The following NUDT9 variants were observed in gnomAD, a reference collection of about 807,000 sequenced individuals.
The protein encoded by NUDT9 is nudix hydrolase 9.
In NUDT9, 31 loss-of-function variants were observed where a neutral mutation model predicts 41.0. The ratio of observed to expected loss-of-function variants is 0.76; its 90% CI spans 0.57 to 1.02. The LOEUF (loss-of-function observed/expected upper bound fraction) is 1.02, where lower values mean the gene tolerates loss of function less well. NUDT9 is among the 50% of genes least tolerant of loss of function. The pLI, the probability that NUDT9 is intolerant of heterozygous loss-of-function variation, is 0.00. For synonymous variants in NUDT9, 146 were observed against 147.6 expected, an observed-to-expected ratio of 0.99 and a Z score of 0.08; for missense variants, 380 against 431.4, an observed-to-expected ratio of 0.88 and a Z score of 1.06.
At chr4:87,425,104 C>G (rs1009850957) in intron 1 of NUDT9, among the ~76,000 whole-genome samples, 3 of 152,000 alleles carry the variant, frequency 2.0e-5, no homozygotes, top group African/African-American at 7.3e-5. Flanking sequence ...ACCTGTAATC[C>G]CAGTGCTTTG....
chr4:87,450,344 T>C (rs1466886811), intron 5 of NUDT9, among the ~76,000 whole-genome samples: 1 of 151,866 alleles, frequency 6.6e-6, no homozygotes, highest in African/African-American at 2.4e-5. Flanking sequence ...CAGCCGACTC[T>C]GATAAAAGTT....
chr4:87,454,523 T>G, intron 7 of NUDT9, 68 bp downstream of exon 7: 1 of 995,914 alleles, frequency 1.0e-6, no homozygotes. Context: ...CACTAAGGCA[T>G]GATTAAATCT....
At chr4:87,444,946 A>G (rs1722380508) in intron 4 of NUDT9, among the ~76,000 whole-genome samples, 1 of 152,200 alleles carries the variant, frequency 6.6e-6, no homozygotes, top group Non-Finnish European at 1.5e-5. Flanking sequence ...TAATGCATTA[A>G]TTAATAAATT....
chr4:87,457,781 G>A (rs937893839), intron 7 of NUDT9, 62 bp from the exon 8 acceptor site: 14 of 1,422,050 alleles, frequency 9.8e-6, no homozygotes, highest in South Asian at 2.4e-5. Context: ...AATACTTGAC[G>A]ACATAGATAT....
In NUDT9 at chr4:87,422,761, GCTACTCCCGTTCGGGAACCCAAC is replaced by G. The variant is rs1010968375; in HGVS notation, c.-144_-122del. 5 of 429,290 alleles carry G rather than the reference GCTACTCCCGTTCGGGAACCCAAC, an allele frequency of 1.2e-5. No homozygotes were observed. In the Admixed American group the frequency reaches 1.5e-4, roughly 13 times the overall value. 26.6% of individuals were successfully genotyped at this position (429,290 alleles called of 1,614,324 possible). A position where few individuals can be genotyped will look rare whatever the true frequency, so the allele number is the denominator to read the frequency against. ...GATCTGTGATTTATAGATAGGCACA[GCTACTCCCGTTCGGGAACCCAAC>G]GGCAGACAGGTCCTAGTGCCCATCA... On this transcript the variant is annotated 5_prime_UTR_variant, in exon 1 of 8. Coordinates refer to ENST00000302174, the MANE Select transcript of NUDT9 (RefSeq NM_024047.5).
At chr4:87,441,639 T>C (rs187919279) in intron 3 of NUDT9, among the ~76,000 whole-genome samples, 190 bp from the exon 4 acceptor site, 55 of 152,306 alleles carry the variant, frequency 3.6e-4, no homozygotes, top group Non-Finnish European at 7.2e-4. Flanking sequence ...GCATATCACA[T>C]GCGCAAAAGA....
intron 1 of NUDT9, among the ~76,000 whole-genome samples, chr4:87,426,299 T>C (rs1260785656): frequency 6.6e-6 from 1 of 152,204 alleles, no homozygotes; most frequent in East Asian, 1.9e-4. Context: ...TAAAACATAG[T>C]GTTAAGAGCC....
At chr4:87,431,624 C>T (rs913316425) in intron 1 of NUDT9, among the ~76,000 whole-genome samples, 5 of 152,064 alleles carry the variant, frequency 3.3e-5, no homozygotes, top group African/African-American at 1.2e-4. Context: ...GTTTTGCTTC[C>T]TTAAGTTTAT....
At chr4:87,438,084 G>A (rs1722034322) in intron 2 of NUDT9, among the ~76,000 whole-genome samples, 193 bp from the exon 3 acceptor site, 1 of 148,440 alleles carries the variant, frequency 6.7e-6, no homozygotes, top group Non-Finnish European at 1.5e-5. Context: ...TGGTGTTTTG[G>A]TTAAAACTTT....
chr4:87,435,684 G>T (rs1007253540), intron 2 of NUDT9, among the ~76,000 whole-genome samples: 4 of 152,154 alleles, frequency 2.6e-5, no homozygotes, highest in African/African-American at 9.7e-5. Context: ...AATAGAAAAG[G>T]GTTGGATAAA....
chr4:87,435,131 C>G lies in NUDT9; in HGVS notation c.258C>G (p.Gly86=). The change falls in exon 2 of 8, where the codon GGC becomes GGG. Residue 86 remains glycine (G), a synonymous_variant. Transcript: ENST00000302174. ...ERSQVPNEKV[G]WLVEWQDYKP... The stretch of plus-strand genomic sequence containing the variant: ...GCCAGGTTCCTAATGAGAAAGTGGG[C>G]TGGCTTGTTGAGTGGCAAGACTATA... 1.2e-6 allele frequency: 2 copies of G among 1,614,168 alleles called. No individual in the cohort carries two copies. Among genetic ancestry groups the G allele is most frequent in the Non-Finnish European group, 8.5e-7 (1 of 1,180,026 alleles).
At chr4:87,425,650 C>A (rs1721380368) in intron 1 of NUDT9, among the ~76,000 whole-genome samples, 1 of 148,944 alleles carries the variant, frequency 6.7e-6, no homozygotes, top group Non-Finnish European at 1.5e-5. Context: ...CTGCCTTGGC[C>A]TCTCAAAGTG....
At position 87,435,119 on chromosome 4, in the gene NUDT9, T is replaced by A; in HGVS notation, c.246T>A (p.Asn82Lys). ...AAGTTGAACGAAGCCAGGTTCCTAA[T>A]GAGAAAGTGGGCTGGCTTGTTGAGT... ...GSKVERSQVP[N>K]EKVGWLVEWQ... The change falls in exon 2 of 8, where the codon AAT becomes AAA. Residue 82 changes from asparagine to lysine, a missense_variant. Coordinates refer to ENST00000302174, the MANE Select transcript of NUDT9 (RefSeq NM_024047.5). The A allele has an allele frequency of 6.2e-7, 1 of 1,612,870 alleles. No individual in the cohort carries two copies. The highest frequency in any genetic ancestry group is 2.2e-5 in the East Asian group (1 of 44,864).
chr4:87,428,014 A>G (rs73839777), intron 1 of NUDT9, among the ~76,000 whole-genome samples: 3,007 of 152,304 alleles, frequency 0.02, 105 homozygotes, highest in African/African-American at 0.068. Context: ...GAGGCAAGAA[A>G]GTTGTCATAA....
At chr4:87,449,754 T>A (rs1307163097) in intron 5 of NUDT9, among the ~76,000 whole-genome samples, 1 of 152,238 alleles carries the variant, frequency 6.6e-6, no homozygotes, top group Admixed American at 6.5e-5. Context: ...CTGTTCTGTG[T>A]AGTTTAAATA....
chr4:87,453,458 T>A (rs1413396363), intron 6 of NUDT9, among the ~76,000 whole-genome samples: 1 of 151,930 alleles, frequency 6.6e-6, no homozygotes, highest in Non-Finnish European at 1.5e-5. Flanking sequence ...TGAGACAGTG[T>A]CTGGCTCTGT....
intron 2 of NUDT9, among the ~76,000 whole-genome samples, chr4:87,437,971 A>G (rs553526908): frequency 4.6e-4 from 70 of 152,094 alleles, no homozygotes; most frequent in African/African-American, 1.6e-3. Flanking sequence ...CTTCTTGCTA[A>G]TAGACCTTCT....
chr4:87,451,686 G>C lies in NUDT9; in HGVS notation c.740G>C (p.Arg247Thr). The stretch of plus-strand genomic sequence containing the variant: ...TTACAGAAAACCAGTGCTGAGAAGA[G>C]AGAAATAGAGGAAAAGTTGCACAAA... The part of the protein sequence containing the change: ...NSLQKTSAEK[R>T]EIEEKLHKLF... The change falls in exon 6 of 8, where the codon AGA (arginine) becomes ACA (threonine). Residue 247 changes from arginine to threonine, a missense_variant. Physicochemically the swap from Arg to Thr is moderately conservative, Grantham distance 71. Transcript: ENST00000302174. 3 of 1,613,928 alleles carry C rather than the reference G, an allele frequency of 1.9e-6. No individual in the cohort carries two copies. Among genetic ancestry groups the C allele is most frequent in the Non-Finnish European group, 2.5e-6 (3 of 1,179,944 alleles).
At chr4:87,446,692 T>C (rs1311894580) in intron 4 of NUDT9, among the ~76,000 whole-genome samples, 2 of 152,164 alleles carry the variant, frequency 1.3e-5, no homozygotes, top group Admixed American at 6.5e-5. Context: ...ACCTAACTTT[T>C]CTGTGCCTCA....
Sources: gnomAD v4.1 joint callset for allele counts (sites outside exome capture counted in the v4.1 genomes callset) on GRCh38, gnomAD v4.1.1 for gene constraint, MANE v1.5 for transcripts, NCBI Gene and HGNC (gene_info 2026-07-23, HGNC 2026-07-21) for gene names.